The following PRMT9 variants were observed in gnomAD, a reference collection of about 807,000 sequenced individuals.
PRMT9 encodes the protein protein arginine methyltransferase 9, also known as protein arginine N-methyltransferase 9.
PRMT9 carries 59 observed loss-of-function variants against 83.2 expected under a neutral mutation model. The ratio of observed to expected loss-of-function variants is 0.71; its 90% confidence interval spans 0.57 to 0.88. The LOEUF (loss-of-function observed/expected upper bound fraction) is 0.88. Among genes scored for constraint, PRMT9 ranks in the 40% least tolerant of loss-of-function variants. The pLI, the probability that PRMT9 is intolerant of heterozygous loss-of-function variation, is 0.00. For missense variants in PRMT9, 947 were observed against 1,021.9 expected (o/e 0.93, Z 1.00); for synonymous variants, 333 against 353.2 (o/e 0.94, Z 0.64).
Position 147,642,916 on chromosome 4 carries a change from C to T in PRMT9, c.2070G>A (p.Lys690=). 6.2e-7 allele frequency: 1 copy of T among 1,614,104 alleles called. No homozygotes were observed. The highest frequency in any genetic ancestry group is 8.5e-7 in the Non-Finnish European group (1 of 1,179,974). ...ACATCAGCACATACTGAGGAAAGAT[C>T]TTGCCTCCAGATTGTAGTAAACACC... is the stretch of plus-strand genomic sequence containing the variant. The part of the protein sequence containing the change: ...ISRCLLQSGG[K]IFPQYVLMFG... The change falls in exon 10 of 12, where the codon AAG becomes AAA. Residue 690 remains lysine (K), a synonymous_variant. Coordinates refer to ENST00000322396, the MANE Select transcript of PRMT9 (RefSeq NM_138364.4).
At chr4:147,657,716 A>T in intron 8 of PRMT9, 76 bp downstream of exon 8, 6 of 1,044,772 alleles carry the variant, frequency 5.7e-6, no homozygotes, top group Admixed American at 2.1e-5. Context: ...ATCCAAAGTA[A>T]TTTTTTTTTT....
intron 9 of PRMT9, among the ~76,000 whole-genome samples, chr4:147,650,674 G>A (rs750671851): frequency 2.0e-5 from 3 of 152,092 alleles, no homozygotes; most frequent in Non-Finnish European, 4.4e-5. Context: ...ACTGTAAACC[G>A]CCAAGACAGT....
Position 147,680,407 on chromosome 4 carries a change from T to A in PRMT9, c.254A>T (p.Asp85Val), listed in dbSNP as rs756776268. 1.1e-5 allele frequency: 17 copies of A among 1,613,896 alleles called. No individual in the cohort carries two copies. Among genetic ancestry groups the A allele is most frequent in the Non-Finnish European group, 1.4e-5 (16 of 1,179,906 alleles). The change falls in exon 2 of 12, where the codon GAC (aspartate) becomes GTC (valine). Residue 85 changes from aspartate to valine, a missense_variant. Transcript: ENST00000322396. The stretch of plus-strand genomic sequence containing the variant: ...GGCCTGCTCATAGCAACCAAGTAAG[T>A]CTTGTATCCGACTGAGAGCATCAAG... ...EELDALSRIQDLLGCYEQALE... is the reference protein window; with the variant it reads ...EELDALSRIQVLLGCYEQALE...
Position 147,647,451 on chromosome 4 carries a change from G to C in PRMT9, c.2046-4511C>G, listed in dbSNP as rs539043807. Among the ~76,000 whole-genome samples the C allele has an allele frequency of 3.3e-5, 5 of 151,910 alleles. No homozygotes were observed. The South Asian group carries it at 1.0e-3, about 32-fold the overall frequency. ...AAATTATCTTTTAAAACTAGCCTCT[G>C]AGTTCTCAGGGAGGTGGATTCGAAA... On this transcript the variant is annotated intron_variant, in intron 9 of 11. Transcript: ENST00000322396.
intron 4 of PRMT9, 117 bp downstream of exon 4, chr4:147,672,842 A>G (rs1302777488): frequency 6.9e-6 from 5 of 720,664 alleles, no homozygotes; most frequent in Non-Finnish European, 9.6e-6. Flanking sequence ...TCCTATATCC[A>G]TATCTTTACA....
At position 147,668,659 on chromosome 4, in the gene PRMT9, CAAT is replaced by C. The variant is rs759016079; in HGVS notation, c.847-17_847-15del. On this transcript the variant is annotated splice_polypyrimidine_tract_variant and intron_variant, in intron 5 of 11. Transcript: ENST00000322396. ...TTCACCTTTGGTCTAAAAAAAATAA[CAAT>C]AAGAATTATGTTATCACATGTATGT... is the stretch of plus-strand genomic sequence containing the variant. 7.7e-6 allele frequency: 11 copies of C among 1,427,316 alleles called. No individual in the cohort carries two copies. Among genetic ancestry groups the C allele is most frequent in the Admixed American group, 3.3e-5 (2 of 59,706 alleles). The allele number at this position is 1,427,316 out of a possible 1,614,324, so 88.4% of individuals were successfully genotyped here.
At position 147,654,301 on chromosome 4, in the gene PRMT9, T is replaced by C. The variant is rs746178040; in HGVS notation, c.1596A>G (p.Pro532=). Residue 532 remains proline (P), a synonymous_variant, in exon 9 of 12, where the codon CCA becomes CCG. Transcript: ENST00000322396. ...STEIALLNNI[P]YHEGFKMAMS... ...TTGCCATTTTAAAGCCTTCATGATA[T>C]GGGATGTTGTTAAGCAAAGCAATTT... The C allele has an allele frequency of 2.3e-5, 37 of 1,614,120 alleles. No individual in the cohort carries two copies. Among genetic ancestry groups the C allele is most frequent in the African/African-American group, 1.9e-4 (14 of 74,950 alleles).
Position 147,654,134 on chromosome 4 carries a change from G to C in PRMT9, c.1763C>G (p.Ser588Cys). 6.2e-7 allele frequency: 1 copy of C among 1,614,174 alleles called. No homozygotes were observed. Among genetic ancestry groups the C allele is most frequent in the Non-Finnish European group, 8.5e-7 (1 of 1,180,044 alleles). ...ILEPFYVLDV[S>C]EGFSVLPVIA... ...AACAGGCAGAACAGAGAAGCCTTCG[G>C]ACACATCTAACACGTAGAAAGGTTC... Residue 588 changes from serine (S) to cysteine (C), a missense_variant, in exon 9 of 12, where the codon TCC (serine) becomes TGC (cysteine). Physicochemically the swap from Ser to Cys is moderately radical, Grantham distance 112 (BLOSUM62 -1). Transcript: ENST00000322396.
intron 2 of PRMT9, among the ~76,000 whole-genome samples, chr4:147,676,817 G>T (rs1335757633): frequency 6.6e-6 from 1 of 152,156 alleles, no homozygotes; most frequent in Non-Finnish European, 1.5e-5. Flanking sequence ...ACCGAGGCGG[G>T]TGGATCACTA....
intron 9 of PRMT9, among the ~76,000 whole-genome samples, chr4:147,651,410 T>C (rs1224518485): frequency 6.6e-6 from 1 of 152,104 alleles, no homozygotes; most frequent in Non-Finnish European, 1.5e-5. Flanking sequence ...TTTAAAACTT[T>C]TGCACATCAA....
chr4:147,656,834 C>T (rs1467056328), intron 8 of PRMT9, among the ~76,000 whole-genome samples: 1 of 150,370 alleles, frequency 6.7e-6, no homozygotes, highest in Middle Eastern at 3.2e-3. Flanking sequence ...TGCTATGTTG[C>T]CCAGGCTGGT....
chr4:147,668,669 TA>T, intron 5 of PRMT9, 24 bp from the exon 6 acceptor site: 1 of 1,310,520 alleles, frequency 7.6e-7, no homozygotes, highest in African/African-American at 1.4e-5. Context: ...CAATAAGAAT[TA>T]TGTTATCACA....
chr4:147,655,920 T>A (rs916031308), intron 8 of PRMT9, among the ~76,000 whole-genome samples: 1 of 152,166 alleles, frequency 6.6e-6, no homozygotes, highest in Non-Finnish European at 1.5e-5. Context: ...TTACTACAGG[T>A]ATAAGAGAGT....
In PRMT9 at chr4:147,673,736, G is replaced by T; in HGVS notation, c.477C>A (p.Asp159Glu). The T allele has an allele frequency of 6.2e-7, 1 of 1,613,916 alleles. No individual in the cohort carries two copies. The highest frequency in any genetic ancestry group is 8.5e-7 in the Non-Finnish European group (1 of 1,179,892). The change falls in exon 3 of 12, where the codon GAC (aspartate) becomes GAA (glutamate). Residue 159 changes from aspartate to glutamate, a missense_variant. Physicochemically the swap from Asp to Glu is conservative, Grantham distance 45. Transcript: ENST00000322396. ...CATTATAAATTGTATTCCTCTTGGT[G>T]TCATTAAGCATGATAAAGTGCCAGC... is the stretch of plus-strand genomic sequence containing the variant. Reference protein sequence around the residue: ...VERWHFIMLNDTKRNTIYNAA... With the variant: ...VERWHFIMLNETKRNTIYNAA...
At chr4:147,680,291 T>C in intron 2 of PRMT9, 32 bp downstream of exon 2, 2 of 1,603,092 alleles carry the variant, frequency 1.2e-6, no homozygotes, top group South Asian at 2.2e-5. Flanking sequence ...ACAGAATAAT[T>C]CTTAACAAGT....
intron 8 of PRMT9, among the ~76,000 whole-genome samples, chr4:147,655,018 T>G (rs1030802199): frequency 6.6e-6 from 1 of 152,198 alleles, no homozygotes; most frequent in Non-Finnish European, 1.5e-5. Context: ...AAGAACAAGG[T>G]AACATTCAAC....
intron 10 of PRMT9, among the ~76,000 whole-genome samples, chr4:147,641,889 T>C (rs953815866): frequency 2.0e-5 from 3 of 152,194 alleles, no homozygotes; most frequent in Non-Finnish European, 2.9e-5. Context: ...CTTGAACTTA[T>C]GAGCTCGAGC....
chr4:147,660,786 T>C, intron 7 of PRMT9, 60 bp downstream of exon 7: 1 of 1,081,580 alleles, frequency 9.2e-7, no homozygotes. Flanking sequence ...CTGTCCTATA[T>C]ATTATTTTAA....
chr4:147,641,335 T>C (rs1396512976), intron 10 of PRMT9, among the ~76,000 whole-genome samples: 1 of 152,180 alleles, frequency 6.6e-6, no homozygotes, highest in Non-Finnish European at 1.5e-5. Context: ...TCCCTCTTGG[T>C]TGCTTCTTGC....
Sources: allele counts gnomAD v4.1 joint callset (sites outside exome capture counted in the v4.1 genomes callset), GRCh38; gene constraint gnomAD v4.1.1; transcripts MANE v1.5; gene names NCBI Gene and HGNC (gene_info 2026-07-23, HGNC 2026-07-21).